The following A1BG variants were observed in gnomAD, a reference collection of about 807,000 sequenced individuals.
A1BG encodes alpha-1B-glycoprotein.
In A1BG, 44 loss-of-function variants were observed where a neutral mutation model predicts 46.0. The ratio of observed to expected loss-of-function variants is 0.96; its 90% CI spans 0.75 to 1.23. The LOEUF (loss-of-function observed/expected upper bound fraction) is 1.23, where lower values mean the gene tolerates loss of function less well. A1BG is among the 50% of genes most tolerant of loss of function. The pLI is 0.00. For synonymous variants in A1BG, 316 were observed against 314.7 expected, an observed-to-expected ratio of 1.00 and a Z score of -0.04; for missense variants, 707 against 688.8, an observed-to-expected ratio of 1.03 and a Z score of -0.30.
At chr19:58,350,952 T>G (rs937479721) in intron 5 of A1BG, 3 of 426,726 alleles carry the variant, frequency 7.0e-6, no homozygotes, top group African/African-American at 2.0e-5. Flanking sequence ...AGTAGTGGAT[T>G]TGCTCCACGA....
At position 58,353,193 on chromosome 19, in the gene A1BG, A is replaced by C; in HGVS notation, c.75T>G (p.Tyr25Ter). 6.2e-7 allele frequency: 1 copy of C among 1,613,670 alleles called. No individual in the cohort carries two copies. Among genetic ancestry groups the C allele is most frequent in the Non-Finnish European group, 8.5e-7 (1 of 1,179,686 alleles). The part of the protein sequence containing the change: ...WGPVTEAAIF[Y>*]ETQPSLWAES... ...CTGCCCACAGGCTGGGCTGCGTCTC[A>C]TAAACTGCAAGGGGTGGCTGGGATC... The change falls in exon 3 of 8, where the codon TAT becomes TAG. Residue 25 changes from tyrosine (Y) to a stop codon, truncating the protein, a stop_gained. Transcript: ENST00000263100. LOFTEE classifies it high-confidence loss of function.
At chr19:58,352,188 G>T in intron 4 of A1BG, 95 bp downstream of exon 4, 1 of 1,544,508 alleles carries the variant, frequency 6.5e-7, no homozygotes, top group Non-Finnish European at 8.7e-7. Context: ...CCTGGTCCTG[G>T]GCAAGGACAT....
chr19:58,350,957 C>T (rs552528369), intron 5 of A1BG: 2 of 428,374 alleles, frequency 4.7e-6, no homozygotes, highest in Non-Finnish European at 8.3e-6. Flanking sequence ...TGGATTTGCT[C>T]CACGAGCGTC....
At chr19:58,347,681 A>G (rs995451348) in intron 6 of A1BG, 41 bp from the exon 7 acceptor site, 3 of 1,286,434 alleles carry the variant, frequency 2.3e-6, no homozygotes, top group African/African-American at 1.7e-5. Flanking sequence ...GCCACGCCCC[A>G]GGCCACGCCC....
chr19:58,352,994 G>C lies in A1BG; in HGVS notation c.274C>G (p.Arg92Gly). The change falls in exon 3 of 8, where the codon CGC (arginine) becomes GGC (glycine). Residue 92 changes from arginine (R) to glycine (G), a missense_variant. Physicochemically the swap from Arg to Gly is moderately radical, Grantham distance 125 (BLOSUM62 -2). Coordinates refer to ENST00000263100, the MANE Select transcript of A1BG (RefSeq NM_130786.4). The stretch of plus-strand genomic sequence containing the variant: ...CCTGTGGACAAGCCCGAGCGGCAGC[G>C]GTAGCGGCCCTGGGTGTCACCCGTC... ...LLTGDTQGRY[R>G]CRSGLSTGWT... 6.2e-7 allele frequency: 1 copy of C among 1,614,012 alleles called. No individual in the cohort carries two copies. The highest frequency in any genetic ancestry group is 1.3e-5 in the African/African-American group (1 of 75,064).
In A1BG at chr19:58,350,455, G is replaced by A. The variant is rs147512196; in HGVS notation, c.1107C>T (p.Ser369=). The change falls in exon 6 of 8, where the codon TCC becomes TCT. Residue 369 remains serine, a synonymous_variant. Coordinates refer to ENST00000263100, the MANE Select transcript of A1BG (RefSeq NM_130786.4). ...FELHNISVAD[S]ANYSCVYVDL... ...CCACGTAGACGCAGCTGTAGTTGGC[G>A]GAGTCAGCCACGGAAATGTTGTGCA... 5,127 of 1,555,166 alleles carry A rather than the reference G, an allele frequency of 3.3e-3. 13 individuals carry two copies. The highest frequency in any genetic ancestry group is 4.1e-3 in the Non-Finnish European group (4,709 of 1,149,842).
intron 5 of A1BG, chr19:58,351,100 A>G: frequency 1.9e-6 from 1 of 533,382 alleles, no homozygotes; most frequent in South Asian, 2.4e-5. Flanking sequence ...GAGCTGCCTC[A>G]GCAGAGGCCC....
chr19:58,347,798 G>A (rs771177285), intron 6 of A1BG, 158 bp from the exon 7 acceptor site: 26 of 399,158 alleles, frequency 6.5e-5, no homozygotes, highest in Admixed American at 3.7e-4. Context: ...CTCCGGCGCC[G>A]CCGAGCTGCG....
chr19:58,351,528 C>G lies in A1BG; in HGVS notation c.773G>C (p.Ser258Thr), dbSNP rs1429367982. ...CAGGTGAAAGAAGATGCGATCTGGG[C>G]TGGTGCTGCTCCTGGGTACCAGCAG... Reference protein sequence around the residue: ...KELLVPRSSTSPDRIFFHLNA... With the variant: ...KELLVPRSSTTPDRIFFHLNA... The change falls in exon 5 of 8, where the codon AGC becomes ACC. Residue 258 changes from serine to threonine, a missense_variant. Coordinates refer to ENST00000263100, the MANE Select transcript of A1BG (RefSeq NM_130786.4). The G allele has an allele frequency of 1.4e-5, 23 of 1,613,838 alleles. No individual in the cohort carries two copies. Among genetic ancestry groups the G allele is most frequent in the Non-Finnish European group, 1.9e-5 (22 of 1,180,030 alleles).
rs368738532 is a variant in A1BG at position 58,352,442 on chromosome 19, G to A, written c.454C>T (p.Arg152Trp). Reference sequence around the variant, plus strand: ...TCCAGAAACTCATGGTCGCCCTCCCGCCTCAGCAGAAAAGTCACACCCCGC... The same window carrying A: ...TCCAGAAACTCATGGTCGCCCTCCCACCTCAGCAGAAAAGTCACACCCCGC... The part of the protein sequence containing the change: ...VLRGVTFLLR[R>W]EGDHEFLEVP... The change falls in exon 4 of 8, where the codon CGG becomes TGG. Residue 152 changes from arginine (R) to tryptophan (W), a missense_variant. Physicochemically the swap from Arg to Trp is moderately radical, Grantham distance 101 (BLOSUM62 -3). Coordinates refer to ENST00000263100, the MANE Select transcript of A1BG (RefSeq NM_130786.4). 1.4e-5 allele frequency: 23 copies of A among 1,613,544 alleles called. No homozygotes were observed. Among genetic ancestry groups the A allele is most frequent in the African/African-American group, 8.0e-5 (6 of 74,826 alleles).
Position 58,351,419 on chromosome 19 carries a change from GCT to G in A1BG, c.880_881del (p.Ser294ArgfsTer10), listed in dbSNP as rs760124077. On this transcript the variant is annotated frameshift_variant, in exon 5 of 8. Transcript: ENST00000263100. LOFTEE classifies it high-confidence loss of function. The part of the protein sequence containing the change: ...HDNQNGWSGD[S>X]APVELILSDE... The stretch of plus-strand genomic sequence containing the variant: ...CGCTCAGAATCAGCTCGACCGGCGC[GCT>G]GTCCCCGGACCAGCCGTTTTGGTTG... 6.2e-7 allele frequency: 1 copy of G among 1,612,436 alleles called. No homozygotes were observed. Among genetic ancestry groups the G allele is most frequent in the Non-Finnish European group, 8.5e-7 (1 of 1,180,004 alleles).
At position 58,347,772 on chromosome 19, in the gene A1BG, T is replaced by C. The variant is rs529447469; in HGVS notation, c.1193-132A>G. 7.2e-5 allele frequency: 39 copies of C among 540,854 alleles called. No homozygotes were observed. In the Middle Eastern group the frequency reaches 1.7e-3, roughly 23 times the overall value. The allele number at this position is 540,854 out of a possible 1,614,324, so 33.5% of individuals were successfully genotyped here. A position where few individuals can be genotyped will look rare whatever the true frequency, so the allele number is the denominator to read the frequency against. On this transcript the variant is annotated intron_variant, in intron 6 of 7. Transcript: ENST00000263100. ...GGCTTCATCTTCCCTGTCTTGTTCC[T>C]GGGCGCAGAGGGCTCCTCCGGCGCC...
chr19:58,353,193 A>G lies in A1BG; in HGVS notation c.75T>C (p.Tyr25=), dbSNP rs1183383910. The change falls in exon 3 of 8, where the codon TAT becomes TAC. Residue 25 remains tyrosine (Y), a synonymous_variant. Coordinates refer to ENST00000263100, the MANE Select transcript of A1BG (RefSeq NM_130786.4). ...WGPVTEAAIF[Y]ETQPSLWAES... The stretch of plus-strand genomic sequence containing the variant: ...CTGCCCACAGGCTGGGCTGCGTCTC[A>G]TAAACTGCAAGGGGTGGCTGGGATC... The G allele has an allele frequency of 1.9e-6, 3 of 1,613,670 alleles. No individual in the cohort carries two copies. The highest frequency in any genetic ancestry group is 2.5e-6 in the Non-Finnish European group (3 of 1,179,686).
intron 4 of A1BG, chr19:58,352,010 G>T: frequency 1.8e-6 from 2 of 1,133,938 alleles, no homozygotes; most frequent in Non-Finnish European, 2.4e-6. Flanking sequence ...TGGGTAGACT[G>T]GTCTCGATCT....
At chr19:58,350,832 C>T (rs942030899) in intron 5 of A1BG, 181 bp from the exon 6 acceptor site, 2 of 522,392 alleles carry the variant, frequency 3.8e-6, no homozygotes, top group Non-Finnish European at 6.2e-6. Context: ...ATATCTCACA[C>T]GCACCCTTTC....
intron 6 of A1BG, chr19:58,349,731 GAAGAAAAAAGAAGAAAGAA>G (rs1463252575): frequency 1.4e-5 from 2 of 147,664 alleles, no homozygotes; most frequent in African/African-American, 5.0e-5. Context: ...GAGAGAGAAA[GAAGAAAAAAGAAGAAAGAA>G]AAGAGAGAAA....
Position 58,353,395 on chromosome 19 carries a change from A to G in A1BG, c.34+9T>C. On this transcript the variant is annotated intron_variant, in intron 1 of 7. Coordinates refer to ENST00000263100, the MANE Select transcript of A1BG (RefSeq NM_130786.4). ...CCGCCCCAGGGACCCAGACCCCAGG[A>G]GGCCTCACCCCACAGCAAGAGAAAG... is the stretch of plus-strand genomic sequence containing the variant. 1 of 1,599,332 alleles carries G rather than the reference A, an allele frequency of 6.3e-7. No homozygotes were observed. The highest frequency in any genetic ancestry group is 1.1e-5 in the South Asian group (1 of 90,466).
At position 58,347,696 on chromosome 19, in the gene A1BG, C is replaced by CCGCGCCCAGGCCACGCCCCAGGT. The variant is rs1208637792; in HGVS notation, c.1193-57_1193-56insACCTGGGGCGTGGCCTGGGCGCG. ...GCCACGCCCCAGGCCACGCCCCAGG[C>CCGCGCCCAGGCCACGCCCCAGGT]CACACCCCAGGCCACACCCCAGGCC... On this transcript the variant is annotated intron_variant, in intron 6 of 7. Coordinates refer to ENST00000263100, the MANE Select transcript of A1BG (RefSeq NM_130786.4). 68 of 815,480 alleles carry CCGCGCCCAGGCCACGCCCCAGGT rather than the reference C, an allele frequency of 8.3e-5. No homozygotes were observed. In the African/African-American group the frequency reaches 1.2e-3, roughly 15 times the overall value. 50.5% of individuals were successfully genotyped at this position (815,480 alleles called of 1,614,324 possible). A position where few individuals can be genotyped will look rare whatever the true frequency, so the allele number is the denominator to read the frequency against.
At chr19:58,352,888 A>G in intron 3 of A1BG, 40 bp downstream of exon 3, 1 of 1,583,992 alleles carries the variant, frequency 6.3e-7, no homozygotes, top group Non-Finnish European at 8.6e-7. Context: ...TCAACAACCT[A>G]CCCACTGCCT....
Sources: allele counts gnomAD v4.1 joint callset, GRCh38; gene constraint gnomAD v4.1.1; transcripts MANE v1.5; gene names NCBI Gene and HGNC (gene_info 2026-07-23, HGNC 2026-07-21).